CACNB2: variants seen among roughly 807,000 people sequenced by gnomAD.
CACNB2 encodes calcium voltage-gated channel auxiliary subunit beta 2.
In CACNB2, 42 loss-of-function variants were observed where a neutral mutation model predicts 73.3. The observed-to-expected ratio is 0.57, with a 90% confidence interval of 0.45 to 0.74. The LOEUF is 0.74. Ranked by LOEUF, CACNB2 falls within the 30% of genes least tolerant of loss-of-function variation. CACNB2 has a pLI of 0.00. For synonymous variants in CACNB2, 348 were observed against 310.3 expected (o/e 1.12, Z -1.28); for missense variants, 940 against 853.0 (o/e 1.10, Z -1.27).
At chr10:18,275,913 C>A (rs941864943) in intron 2 of CACNB2, among the ~76,000 whole-genome samples, 1 of 152,170 alleles carries the variant, frequency 6.6e-6, no homozygotes, top group Non-Finnish European at 1.5e-5. Flanking sequence ...GAACCAATTT[C>A]TCTGGTTTCA....
intron 2 of CACNB2, among the ~76,000 whole-genome samples, chr10:18,240,511 GA>G (rs2036607859): frequency 6.6e-6 from 1 of 152,090 alleles, no homozygotes; most frequent in African/African-American, 2.4e-5. Context: ...TTTAGCTGGG[GA>G]AAGAACAAAT....
chr10:18,327,883 G>A (rs143327919), intron 2 of CACNB2, among the ~76,000 whole-genome samples: 1 of 152,250 alleles, frequency 6.6e-6, no homozygotes, highest in East Asian at 1.9e-4. Flanking sequence ...TGTCCTGGCA[G>A]GGCTAGTTCA....
At position 18,539,861 on chromosome 10, in the gene CACNB2, C is replaced by G. The variant is rs558263127; in HGVS notation, c.*137C>G. ...GTAATATTTTGTATTATTGCTGTTG[C>G]TTGAATAGCAATAGCATGGATAGAG... On this transcript the variant is annotated 3_prime_UTR_variant, in exon 14 of 14. Coordinates refer to ENST00000324631, the MANE Select transcript of CACNB2 (RefSeq NM_201596.3). The G allele has an allele frequency of 1.1e-5, 10 of 918,080 alleles. No individual in the cohort carries two copies. The Admixed American group carries it at 2.7e-4, about 25-fold the overall frequency. 56.9% of individuals were successfully genotyped at this position (918,080 alleles called of 1,614,324 possible).
intron 2 of CACNB2, among the ~76,000 whole-genome samples, chr10:18,179,194 C>A (rs1408991717): frequency 1.3e-5 from 2 of 151,984 alleles, no homozygotes; most frequent in Non-Finnish European, 2.9e-5. Context: ...AAGGAATAAC[C>A]CTTTAGCAGA....
At chr10:18,285,326 G>A (rs755396601) in intron 2 of CACNB2, among the ~76,000 whole-genome samples, 1 of 152,196 alleles carries the variant, frequency 6.6e-6, no homozygotes, top group Non-Finnish European at 1.5e-5. Context: ...TGGAATGCTT[G>A]TTCTTGGGAT....
At chr10:18,261,195 C>G in intron 2 of CACNB2, 3 of 1,549,230 alleles carry the variant, frequency 1.9e-6, no homozygotes, top group Admixed American at 3.9e-5. Flanking sequence ...AGAAATGGAC[C>G]GAGGCTGTGA....
chr10:18,515,947 T>C (rs1020026502), intron 7 of CACNB2, among the ~76,000 whole-genome samples: 2 of 152,210 alleles, frequency 1.3e-5, no homozygotes, highest in Non-Finnish European at 2.9e-5. Context: ...GCGCAATGGC[T>C]CACACCTGTA....
intron 2 of CACNB2, among the ~76,000 whole-genome samples, chr10:18,241,428 C>G (rs1197484215): frequency 6.6e-6 from 1 of 152,092 alleles, no homozygotes; most frequent in African/African-American, 2.4e-5. Context: ...ACACTGGGGC[C>G]TGTCACGAGG....
intron 2 of CACNB2, among the ~76,000 whole-genome samples, chr10:18,153,156 G>A (rs763005137): frequency 2.3e-4 from 35 of 152,268 alleles, no homozygotes; most frequent in Middle Eastern, 6.8e-3. Flanking sequence ...GTAAATTTTA[G>A]TATATATTGC....
chr10:18,478,269 T>G (rs1459843640), intron 3 of CACNB2, among the ~76,000 whole-genome samples: 1 of 152,204 alleles, frequency 6.6e-6, no homozygotes, highest in Non-Finnish European at 1.5e-5. Context: ...CTTCCTCTTC[T>G]ATTTCCCACA....
At chr10:18,506,696 G>C (rs1351255352) in intron 6 of CACNB2, 149 bp downstream of exon 6, 1 of 680,876 alleles carries the variant, frequency 1.5e-6, no homozygotes, top group African/African-American at 1.8e-5. Flanking sequence ...CCCTTTTGGA[G>C]TTACAAACAA....
chr10:18,226,625 GC>G (rs2036003772), intron 2 of CACNB2, among the ~76,000 whole-genome samples: 1 of 152,102 alleles, frequency 6.6e-6, no homozygotes, highest in African/African-American at 2.4e-5. Context: ...TGAGCGTGTG[GC>G]CGTATGATCA....
At chr10:18,437,829 A>T (rs539934387) in intron 3 of CACNB2, among the ~76,000 whole-genome samples, 3 of 152,212 alleles carry the variant, frequency 2.0e-5, no homozygotes, top group African/African-American at 7.2e-5. Flanking sequence ...CTTCGAAGTC[A>T]TAGAAAATTA....
chr10:18,487,152 A>T (rs1837401325), intron 3 of CACNB2, among the ~76,000 whole-genome samples: 1 of 152,132 alleles, frequency 6.6e-6, no homozygotes, highest in Non-Finnish European at 1.5e-5. Flanking sequence ...TTTCATGCAG[A>T]TGGGGTCTCA....
chr10:18,351,549 CAT>C (rs1170647787), intron 2 of CACNB2, among the ~76,000 whole-genome samples: 6 of 152,168 alleles, frequency 3.9e-5, no homozygotes, highest in Non-Finnish European at 2.9e-5. Flanking sequence ...GTTGAAAACA[CAT>C]GTTATTCTAT....
chr10:18,368,531 A>G (rs1324361211), intron 2 of CACNB2, among the ~76,000 whole-genome samples: 1 of 152,198 alleles, frequency 6.6e-6, no homozygotes, highest in Admixed American at 6.6e-5. Flanking sequence ...TAAGAGTTGC[A>G]TTTAAGCATA....
intron 2 of CACNB2, chr10:18,257,317 A>G (rs1327824319): frequency 2.0e-5 from 3 of 152,202 alleles, no homozygotes; most frequent in Admixed American, 2.0e-4. Flanking sequence ...GTCTGTCTCT[A>G]TTACTGTAAA....
chr10:18,430,289 G>C (rs1229762688), intron 3 of CACNB2, among the ~76,000 whole-genome samples: 1 of 152,142 alleles, frequency 6.6e-6, no homozygotes, highest in Non-Finnish European at 1.5e-5. Context: ...TAGTCACACA[G>C]CATGTTTGCA....
intron 2 of CACNB2, among the ~76,000 whole-genome samples, chr10:18,372,171 G>A (rs1406805754): frequency 6.6e-6 from 1 of 152,088 alleles, no homozygotes; most frequent in Non-Finnish European, 1.5e-5. Flanking sequence ...CACTCTGATG[G>A]TAGTTTCTTT....
Sources: gnomAD v4.1 joint callset for allele counts (sites outside exome capture counted in the v4.1 genomes callset) on GRCh38, gnomAD v4.1.1 for gene constraint, MANE v1.5 for transcripts, NCBI Gene and HGNC (gene_info 2026-07-23, HGNC 2026-07-21) for gene names.